Variants in KCNJ9 observed in about 807,000 individuals in gnomAD.
KCNJ9 encodes the protein potassium inwardly rectifying channel subfamily J member 9, also known as G protein-activated inward rectifier potassium channel 3.
A neutral mutation model predicts 27.9 loss-of-function variants in KCNJ9; 18 were observed. The ratio of observed to expected loss-of-function variants is 0.65; its 90% CI spans 0.45 to 0.96. The LOEUF (loss-of-function observed/expected upper bound fraction) is 0.96. KCNJ9 is among the 40% of genes least tolerant of loss of function. The pLI, the probability that KCNJ9 is intolerant of heterozygous loss-of-function variation, is 0.00. For missense variants in KCNJ9, 324 were observed against 557.5 expected, an observed-to-expected ratio of 0.58 and a Z score of 4.22; for synonymous variants, 229 against 248.2, an observed-to-expected ratio of 0.92 and a Z score of 0.73.
chr1:160,084,683 G>A lies in KCNJ9; in HGVS notation c.653G>A (p.Gly218Asp). Residue 218 changes from glycine to aspartate, a missense_variant, in exon 2 of 3, where the codon GGC (glycine) becomes GAC (aspartate). By Grantham distance (94) the Gly-to-Asp change is moderately conservative. This residue lies in a region of KCNJ9 where 241 missense variants were observed against 481.7 expected (regional missense o/e 0.50). Coordinates refer to ENST00000368088, the MANE Select transcript of KCNJ9 (RefSeq NM_004983.3). ...ATCCGCTCGCGCCAGACGCTGGAGG[G>A]CGAGTTCATCCCGCTGCACCAGACC... ...KLIRSRQTLE[G>D]EFIPLHQTDL... 1 of 1,593,866 alleles carries A rather than the reference G, an allele frequency of 6.3e-7. No homozygotes were observed.
In KCNJ9 at chr1:160,090,371, C is replaced by T. The variant is rs1427364022; in HGVS notation, c.*2554C>T. On this transcript the variant is annotated 3_prime_UTR_variant, in exon 3 of 3. Transcript: ENST00000368088. The stretch of plus-strand genomic sequence containing the variant: ...TGAAGTCACTGAGACCCTGCCACAC[C>T]TCTCCTCGCCACTGTCACCACTCAG... 1 of 152,570 alleles carries T rather than the reference C, an allele frequency of 6.6e-6. No homozygotes were observed. The highest frequency in any genetic ancestry group is 1.9e-4 in the East Asian group (1 of 5,204). The allele number at this position is 152,570 out of a possible 1,614,324, so 9.5% of individuals were successfully genotyped here.
At position 160,088,110 on chromosome 1, in the gene KCNJ9, G is replaced by A; in HGVS notation, c.*293G>A. 2.8e-6 allele frequency: 1 copy of A among 351,908 alleles called. No homozygotes were observed. The highest frequency in any genetic ancestry group is 1.4e-4 in the South Asian group (1 of 7,378). The allele number at this position is 351,908 out of a possible 1,614,324, so 21.8% of individuals were successfully genotyped here. A position where few individuals can be genotyped will look rare whatever the true frequency, so the allele number is the denominator to read the frequency against. ...TGGACAGAATGATGGACTTTTGGGG[G>A]TTGGATGGGAAGATGGTAGCAGATA... is the stretch of plus-strand genomic sequence containing the variant. On this transcript the variant is annotated 3_prime_UTR_variant, in exon 3 of 3. Transcript: ENST00000368088.
intron 2 of KCNJ9, 23 bp from the exon 3 acceptor site, chr1:160,087,463 C>T: frequency 6.4e-7 from 1 of 1,572,746 alleles, no homozygotes; most frequent in South Asian, 1.2e-5. Flanking sequence ...GAGATTCCCC[C>T]TGACCGGTGC....
rs988074371 is a variant in KCNJ9, at chr1:160,087,377, C to T, written c.851-109C>T. On this transcript the variant is annotated intron_variant, in intron 2 of 2. Transcript: ENST00000368088. The stretch of plus-strand genomic sequence containing the variant: ...GGACTGGACCAAAGGGAGGTGGGAG[C>T]CCTTAGGAAGGAATAGAAGGGAGGG... 30 of 1,384,846 alleles carry T rather than the reference C, an allele frequency of 2.2e-5. No homozygotes were observed. The African/African-American group carries it at 4.0e-4, about 18-fold the overall frequency. The allele number at this position is 1,384,846 out of a possible 1,614,324, so 85.8% of individuals were successfully genotyped here. A position where few individuals can be genotyped will look rare whatever the true frequency, so the allele number is the denominator to read the frequency against.
intron 2 of KCNJ9, among the ~76,000 whole-genome samples, chr1:160,086,605 C>T (rs148178456): frequency 3.3e-3 from 506 of 152,272 alleles, no homozygotes; most frequent in Non-Finnish European, 5.6e-3. Context: ...TATGTAAGCA[C>T]AGCATGGAAG....
chr1:160,088,084 A>G lies in KCNJ9; in HGVS notation c.*267A>G. On this transcript the variant is annotated 3_prime_UTR_variant, in exon 3 of 3. Transcript: ENST00000368088. ...TTCACATTTGTTCATGAGTGGATGG[A>G]TGGACAGAATGATGGACTTTTGGGG... 1 of 381,890 alleles carries G rather than the reference A, an allele frequency of 2.6e-6. No homozygotes were observed. Among genetic ancestry groups the G allele is most frequent in the Non-Finnish European group, 4.6e-6 (1 of 215,380 alleles). The allele number at this position is 381,890 out of a possible 1,614,324, so 23.7% of individuals were successfully genotyped here.
At position 160,084,063 on chromosome 1, in the gene KCNJ9, G is replaced by A. The variant is rs1306767975; in HGVS notation, c.33G>A (p.Gly11=). 3 of 1,532,480 alleles carry A rather than the reference G, an allele frequency of 2.0e-6. No homozygotes were observed. The highest frequency in any genetic ancestry group is 2.6e-6 in the Non-Finnish European group (3 of 1,143,898). The allele number at this position is 1,532,480 out of a possible 1,614,324, so 94.9% of individuals were successfully genotyped here. A position where few individuals can be genotyped will look rare whatever the true frequency, so the allele number is the denominator to read the frequency against. ...AGGAGAACGCGGCCTTCTCGCCCGG[G>A]CAGGAGGAGCCGCCGCGGCGCCGCG... MAQENAAFSP[G]QEEPPRRRGR... Residue 11 remains glycine, a synonymous_variant, in exon 2 of 3, where the codon GGG becomes GGA. Coordinates refer to ENST00000368088, the MANE Select transcript of KCNJ9 (RefSeq NM_004983.3).
chr1:160,087,342 G>C lies in KCNJ9; in HGVS notation c.851-144G>C, dbSNP rs530092251. 2.1e-5 allele frequency: 26 copies of C among 1,264,054 alleles called. No homozygotes were observed. The East Asian group carries it at 2.1e-4, about 10-fold the overall frequency. 78.3% of individuals were successfully genotyped at this position (1,264,054 alleles called of 1,614,324 possible). A position where few individuals can be genotyped will look rare whatever the true frequency, so the allele number is the denominator to read the frequency against. ...CTGGGTAAGAACAGGAGCTAGGGAGGGGGGGAAATGGACTGGACCAAAGGG... is the reference window on the plus strand; with the variant it reads ...CTGGGTAAGAACAGGAGCTAGGGAGCGGGGGAAATGGACTGGACCAAAGGG... On this transcript the variant is annotated intron_variant, in intron 2 of 2. Transcript: ENST00000368088.
intron 2 of KCNJ9, among the ~76,000 whole-genome samples, chr1:160,086,582 T>TA (rs1557981142): frequency 1.3e-5 from 2 of 152,178 alleles, no homozygotes; most frequent in Non-Finnish European, 2.9e-5. Context: ...ATTTAGGCTT[T>TA]AAAAAAATCA....
At chr1:160,087,407 G>A (rs1208411653) in intron 2 of KCNJ9, 79 bp from the exon 3 acceptor site, 1 of 1,486,384 alleles carries the variant, frequency 6.7e-7, no homozygotes, top group East Asian at 2.4e-5. Context: ...GGAGGGTGCT[G>A]GGAGTAGGGT....
chr1:160,082,698 G>A (rs770809168), intron 1 of KCNJ9, among the ~76,000 whole-genome samples: 22 of 152,198 alleles, frequency 1.4e-4, no homozygotes, highest in Non-Finnish European at 2.8e-4. Flanking sequence ...CCACGTTTCC[G>A]TGGAGTGGGA....
chr1:160,086,656 A>G (rs544291811), intron 2 of KCNJ9, among the ~76,000 whole-genome samples: 69 of 152,358 alleles, frequency 4.5e-4, no homozygotes, highest in African/African-American at 1.6e-3. Context: ...AGTTGGCTAC[A>G]GTCTTGATGT....
intron 1 of KCNJ9, among the ~76,000 whole-genome samples, chr1:160,081,916 G>A (rs1649684088): frequency 6.6e-6 from 1 of 152,166 alleles, no homozygotes; most frequent in South Asian, 2.1e-4. Flanking sequence ...GAAATGAGGA[G>A]TAGGTTGGAG....
At chr1:160,083,839 C>T (rs572576671) in intron 1 of KCNJ9, 78 bp from the exon 2 acceptor site, 191 of 362,200 alleles carry the variant, frequency 5.3e-4, no homozygotes, top group African/African-American at 3.8e-3. Context: ...CAGGGCCCCC[C>T]AGGGCTCGGT....
In KCNJ9 at chr1:160,084,118, C is replaced by A. The variant is rs759322349; in HGVS notation, c.88C>A (p.Arg30=). The change falls in exon 2 of 3, where the codon CGG becomes AGG. Residue 30 remains arginine (R), a synonymous_variant. Transcript: ENST00000368088. ...CCAGCGCTACGTGGAGAAGGATGGC[C>A]GGTGCAACGTGCAGCAGGGCAACGT... is the stretch of plus-strand genomic sequence containing the variant. The part of the protein sequence containing the change: ...GRQRYVEKDG[R]CNVQQGNVRE... 4 of 1,554,696 alleles carry A rather than the reference C, an allele frequency of 2.6e-6. No individual in the cohort carries two copies. Among genetic ancestry groups the A allele is most frequent in the African/African-American group, 1.4e-5 (1 of 73,430 alleles).
intron 1 of KCNJ9, among the ~76,000 whole-genome samples, chr1:160,082,742 G>A (rs1005081386): frequency 6.6e-6 from 1 of 152,196 alleles, no homozygotes; most frequent in Non-Finnish European, 1.5e-5. Context: ...AGAAGGGAAG[G>A]TGGAAGAGTC....
intron 2 of KCNJ9, among the ~76,000 whole-genome samples, chr1:160,086,543 A>G (rs935350621): frequency 7.2e-5 from 11 of 152,246 alleles, no homozygotes; most frequent in African/African-American, 2.4e-4. Context: ...GCAAGATGAC[A>G]TTTAAAATGA....
Position 160,084,057 on chromosome 1 carries a change from G to T in KCNJ9, c.27G>T (p.Ser9=). The T allele has an allele frequency of 2.0e-6, 3 of 1,525,530 alleles. No individual in the cohort carries two copies. Among genetic ancestry groups the T allele is most frequent in the Non-Finnish European group, 2.6e-6 (3 of 1,140,392 alleles). 94.5% of individuals were successfully genotyped at this position (1,525,530 alleles called of 1,614,324 possible). ...TGGCGCAGGAGAACGCGGCCTTCTC[G>T]CCCGGGCAGGAGGAGCCGCCGCGGC... The part of the protein sequence containing the change: MAQENAAF[S]PGQEEPPRRR... Residue 9 remains serine, a synonymous_variant, in exon 2 of 3, where the codon TCG becomes TCT. Transcript: ENST00000368088.
At chr1:160,085,119 C>T (rs1649754244) in intron 2 of KCNJ9, among the ~76,000 whole-genome samples, 1 of 152,226 alleles carries the variant, frequency 6.6e-6, no homozygotes, top group Non-Finnish European at 1.5e-5. Context: ...GCCCTGGGCC[C>T]AGAGGAATGT....
Sources: gnomAD v4.1 joint callset for allele counts (sites outside exome capture counted in the v4.1 genomes callset) on GRCh38, gnomAD v4.1.1 for gene constraint, gnomAD v4.1.1 regional missense constraint, MANE v1.5 for transcripts, NCBI Gene and HGNC (gene_info 2026-07-23, HGNC 2026-07-21) for gene names.